Variants in GATB observed in about 807,000 individuals in gnomAD.
GATB encodes the protein glutamyl-tRNA(Gln) amidotransferase subunit B, mitochondrial.
Under a neutral mutation model 62.3 loss-of-function variants are expected in GATB, and 39 were observed. The ratio of observed to expected loss-of-function variants is 0.63; its 90% CI spans 0.48 to 0.82. The LOEUF (loss-of-function observed/expected upper bound fraction) is 0.82, where lower values mean the gene tolerates loss of function less well. Ranked by LOEUF, GATB falls within the 40% of genes least tolerant of loss-of-function variation. The probability of loss-of-function intolerance (pLI) is 0.00; values close to 1 mark genes in which losing one functional copy is unlikely to be tolerated. For synonymous variants in GATB, 276 were observed against 258.9 expected (o/e 1.07, Z -0.63); for missense variants, 670 against 684.0 (o/e 0.98, Z 0.23).
intron 10 of GATB, among the ~76,000 whole-genome samples, chr4:151,682,414 A>G (rs1258394234): frequency 6.6e-6 from 1 of 152,206 alleles, no homozygotes; most frequent in Admixed American, 6.5e-5. Context: ...ACGCAATGGC[A>G]GCAGCAGCAC....
chr4:151,754,295 T>C (rs1107797), intron 2 of GATB, among the ~76,000 whole-genome samples: 29,678 of 152,236 alleles, frequency 0.19, 3,748 homozygotes, highest in Non-Finnish European at 0.28. Flanking sequence ...ACGTTGTTTT[T>C]CTTCTGGTCT....
At chr4:151,758,700 G>A in intron 2 of GATB, 72 bp downstream of exon 2, 1 of 1,238,398 alleles carries the variant, frequency 8.1e-7, no homozygotes, top group Non-Finnish European at 1.1e-6. Context: ...ATTAAAACAA[G>A]AAAATAATTT....
intron 9 of GATB, among the ~76,000 whole-genome samples, chr4:151,692,932 A>AG (rs1738395510): frequency 6.6e-6 from 1 of 152,210 alleles, no homozygotes; most frequent in African/African-American, 2.4e-5. Context: ...ACGGAACCAC[A>AG]GGGGTTTCCA....
chr4:151,743,222 G>A (rs1739530545), intron 2 of GATB, among the ~76,000 whole-genome samples: 1 of 152,186 alleles, frequency 6.6e-6, no homozygotes, highest in South Asian at 2.1e-4. Context: ...CCCATAGACA[G>A]GCCTGCTTTC....
At chr4:151,679,182 C>T (rs1578894966) in intron 11 of GATB, among the ~76,000 whole-genome samples, 1 of 152,248 alleles carries the variant, frequency 6.6e-6, no homozygotes, top group East Asian at 1.9e-4. Context: ...GCGTGAGCCA[C>T]TGTGCCCGGC....
chr4:151,747,388 G>C (rs1283040624), intron 2 of GATB, among the ~76,000 whole-genome samples: 2 of 152,210 alleles, frequency 1.3e-5, no homozygotes, highest in Non-Finnish European at 2.9e-5. Flanking sequence ...AAAGAGTCTT[G>C]AGAAATCTGA....
intron 9 of GATB, 74 bp downstream of exon 9, chr4:151,701,255 G>T (rs1424975936): frequency 8.1e-7 from 1 of 1,241,982 alleles, no homozygotes; most frequent in East Asian, 2.7e-5. Flanking sequence ...GGCAGCCTGT[G>T]TGTGGCGGGG....
chr4:151,728,597 T>G (rs147765859), intron 2 of GATB, among the ~76,000 whole-genome samples: 1 of 152,182 alleles, frequency 6.6e-6, no homozygotes, highest in African/African-American at 2.4e-5. Flanking sequence ...ATACTGAAAC[T>G]GTCAAGTCTT....
chr4:151,759,244 C>G (rs2127002976), intron 1 of GATB, among the ~76,000 whole-genome samples: 1 of 152,282 alleles, frequency 6.6e-6, no homozygotes, highest in East Asian at 1.9e-4. Context: ...GTGACAACTG[C>G]TTGGCTGACT....
At chr4:151,694,464 T>C (rs918246169) in intron 9 of GATB, among the ~76,000 whole-genome samples, 3 of 152,218 alleles carry the variant, frequency 2.0e-5, no homozygotes, top group Admixed American at 2.0e-4. Context: ...AGATGATACA[T>C]CTTTTTATTC....
At position 151,719,343 on chromosome 4, in the gene GATB, C is replaced by T. The variant is rs536088951; in HGVS notation, c.441+82G>A. ...GCTGAAAACATGAGAGGCACAGCCC[C>T]TTTCCCTTGCTCCGACCCCCCACAG... On this transcript the variant is annotated intron_variant, in intron 3 of 12. Transcript: ENST00000263985. The T allele has an allele frequency of 1.9e-5, 19 of 981,970 alleles. No individual in the cohort carries two copies. In the South Asian group the frequency reaches 2.2e-4, roughly 11 times the overall value. 60.8% of individuals were successfully genotyped at this position (981,970 alleles called of 1,614,324 possible).
At chr4:151,740,306 A>G (rs1739458342) in intron 2 of GATB, among the ~76,000 whole-genome samples, 1 of 152,232 alleles carries the variant, frequency 6.6e-6, no homozygotes, top group African/African-American at 2.4e-5. Flanking sequence ...TGTTGCATGA[A>G]CATCGTAAGA....
rs765840174 is a variant in GATB at position 151,701,319 on chromosome 4, C to T, written c.1197+10G>A. On this transcript the variant is annotated intron_variant, in intron 9 of 12. Coordinates refer to ENST00000263985, the MANE Select transcript of GATB (RefSeq NM_004564.3). ...AGCCGGGATCCTCTTGGCATCCGATCGATACCTACCAGCAAAGTGAAGCTG... is the reference window on the plus strand; with the variant it reads ...AGCCGGGATCCTCTTGGCATCCGATTGATACCTACCAGCAAAGTGAAGCTG... 26 of 1,513,800 alleles carry T rather than the reference C, an allele frequency of 1.7e-5. No homozygotes were observed. Among genetic ancestry groups the T allele is most frequent in the African/African-American group, 7.0e-5 (5 of 71,870 alleles). 93.8% of individuals were successfully genotyped at this position (1,513,800 alleles called of 1,614,324 possible).
At chr4:151,701,932 G>A (rs1436768258) in intron 8 of GATB, among the ~76,000 whole-genome samples, 2 of 152,238 alleles carry the variant, frequency 1.3e-5, no homozygotes, top group African/African-American at 2.4e-5. Context: ...GGATGGTACA[G>A]CCTACTACAG....
chr4:151,691,596 T>A (rs144798128), intron 9 of GATB: 3 of 152,346 alleles, frequency 2.0e-5, no homozygotes, highest in African/African-American at 7.2e-5. Flanking sequence ...GGAAGGAACC[T>A]CAGTCTACCC....
intron 2 of GATB, among the ~76,000 whole-genome samples, chr4:151,735,735 T>G (rs1578932359): frequency 1.0e-5 from 1 of 98,032 alleles, no homozygotes; most frequent in Non-Finnish European, 1.9e-5. Context: ...TAAACTGTGG[T>G]GTATATATAT....
At chr4:151,731,692 A>G (rs1739255331) in intron 2 of GATB, among the ~76,000 whole-genome samples, 1 of 133,470 alleles carries the variant, frequency 7.5e-6, no homozygotes, top group African/African-American at 2.9e-5. Context: ...CCGGCCGCCC[A>G]TCGTCTGAGA....
Position 151,701,436 on chromosome 4 carries a change from T to C in GATB, c.1090A>G (p.Ile364Val). The change falls in exon 9 of 13, where the codon ATC (isoleucine) becomes GTC (valine). Residue 364 changes from isoleucine to valine, a missense_variant. Coordinates refer to ENST00000263985, the MANE Select transcript of GATB (RefSeq NM_004564.3). ...GTCTCCCGAATCTGGTCAATATTGA[T>C]CACTTGCTGTGGGTCTGCACCTGCG... ...LPAGADPQQV[I>V]NIDQIRETLP... The C allele has an allele frequency of 1.2e-6, 2 of 1,604,538 alleles. No homozygotes were observed. Among genetic ancestry groups the C allele is most frequent in the Non-Finnish European group, 1.7e-6 (2 of 1,175,356 alleles).
intron 2 of GATB, among the ~76,000 whole-genome samples, chr4:151,754,629 C>G (rs1739787930): frequency 6.6e-6 from 1 of 152,022 alleles, no homozygotes; most frequent in African/African-American, 2.4e-5. Context: ...TACATTATAA[C>G]AATTGTTTTA....
Sources: gnomAD v4.1 joint callset for allele counts (sites outside exome capture counted in the v4.1 genomes callset) on GRCh38, gnomAD v4.1.1 for gene constraint, MANE v1.5 for transcripts, NCBI Gene and HGNC (gene_info 2026-07-23, HGNC 2026-07-21) for gene names.